The following ZKSCAN5 variants were observed in gnomAD, a reference collection of about 807,000 sequenced individuals.
The protein encoded by ZKSCAN5 is zinc finger with KRAB and SCAN domains 5.
In ZKSCAN5, 28 loss-of-function variants were observed where a neutral mutation model predicts 60.0. The observed-to-expected ratio is 0.47, with a 90% confidence interval of 0.35 to 0.64. The LOEUF (loss-of-function observed/expected upper bound fraction) is 0.64, where lower values mean the gene tolerates loss of function less well. ZKSCAN5 is among the 30% of genes least tolerant of loss of function. The pLI, the probability that ZKSCAN5 is intolerant of heterozygous loss-of-function variation, is 0.01. For missense variants in ZKSCAN5, 881 were observed against 1,034.6 expected (o/e 0.85, Z 2.04); for synonymous variants, 361 against 371.2 (o/e 0.97, Z 0.31).
intron 3 of ZKSCAN5, among the ~76,000 whole-genome samples, chr7:99,515,428 T>A (rs1801220933): frequency 6.7e-6 from 1 of 150,300 alleles, no homozygotes; most frequent in Non-Finnish European, 1.5e-5. Context: ...CAAAAACTGC[T>A]CAGAAAAGAA....
Position 99,519,840 on chromosome 7 carries a change from C to G in ZKSCAN5, c.567C>G (p.Leu189=), listed in dbSNP as rs1801443644. ...RLLEENALPV[L]QVPSLPLKDS... ...CTCCTCCCTTAGCCCTTCCTGTTCT[C>G]CAAGTTCCTTCCCTTCCCCTGAAGG... The change falls in exon 4 of 7, where the codon CTC becomes CTG. Residue 189 remains leucine (L), a synonymous_variant. Transcript: ENST00000326775. 6.2e-7 allele frequency: 1 copy of G among 1,614,070 alleles called. No individual in the cohort carries two copies. Among genetic ancestry groups the G allele is most frequent in the East Asian group, 2.2e-5 (1 of 44,884 alleles).
At chr7:99,528,562 G>A (rs1425746445) in intron 6 of ZKSCAN5, among the ~76,000 whole-genome samples, 6 of 152,062 alleles carry the variant, frequency 3.9e-5, no homozygotes, top group Admixed American at 6.6e-5. Flanking sequence ...GCATAGCTGG[G>A]ACTACAAGTG....
At position 99,530,069 on chromosome 7, in the gene ZKSCAN5, T is replaced by C. The variant is rs1344161363; in HGVS notation, c.1379-1039T>C. Among the ~76,000 whole-genome samples the C allele has an allele frequency of 9.9e-5, 13 of 130,848 alleles. No individual in the cohort carries two copies. The Admixed American group carries it at 1.0e-3, about 10-fold the overall frequency. 85.8% of individuals were successfully genotyped at this position (130,848 alleles called of 152,430 possible). On this transcript the variant is annotated intron_variant, in intron 6 of 6. Coordinates refer to ENST00000326775, the MANE Select transcript of ZKSCAN5 (RefSeq NM_145102.4). ...TTTTTTTTTTGAGATGGAGTCTTGC[T>C]GTTGCCCAGGCTGGAGTGCAATGGC...
At position 99,526,433 on chromosome 7, in the gene ZKSCAN5, T is replaced by C; in HGVS notation, c.1378+15T>C. On this transcript the variant is annotated intron_variant, in intron 6 of 6. Coordinates refer to ENST00000326775, the MANE Select transcript of ZKSCAN5 (RefSeq NM_145102.4). ...ATCCCAGAGATGTACGTGTGAGGAG[T>C]TTATATCCGGGGGATAAATGGAGGC... The C allele has an allele frequency of 6.3e-7, 1 of 1,589,098 alleles. No individual in the cohort carries two copies. The highest frequency in any genetic ancestry group is 8.5e-7 in the Non-Finnish European group (1 of 1,173,838).
In ZKSCAN5 at chr7:99,508,007, A is replaced by C. The variant is rs113795840; in HGVS notation, c.414+1549A>C. 6.1e-3 allele frequency among the ~76,000 whole-genome samples: 934 copies of C among 152,214 alleles called. 12 individuals carry two copies. Among genetic ancestry groups the C allele is most frequent in the African/African-American group, 0.02 (849 of 41,546 alleles). On this transcript the variant is annotated intron_variant, in intron 2 of 6. Coordinates refer to ENST00000326775, the MANE Select transcript of ZKSCAN5 (RefSeq NM_145102.4). ...GAAACTCAAAATTGTTGGCTTAGAAATACATGTGTAGGCCGGGCACGGTAG... is the reference window on the plus strand; with the variant it reads ...GAAACTCAAAATTGTTGGCTTAGAACTACATGTGTAGGCCGGGCACGGTAG...
At chr7:99,514,629 G>A (rs1045461129) in intron 3 of ZKSCAN5, among the ~76,000 whole-genome samples, 21 of 152,216 alleles carry the variant, frequency 1.4e-4, no homozygotes, top group African/African-American at 3.6e-4. Flanking sequence ...AAAATTGGCC[G>A]TGTGCAGTGG....
At chr7:99,506,730 T>C (rs979184705) in intron 2 of ZKSCAN5, among the ~76,000 whole-genome samples, 2 of 152,248 alleles carry the variant, frequency 1.3e-5, no homozygotes, top group Non-Finnish European at 2.9e-5. Flanking sequence ...TCGCCTATGC[T>C]GGAGTGCAGT....
chr7:99,518,670 CTTTTTTTTTTTTT>C (rs993896580), intron 3 of ZKSCAN5, among the ~76,000 whole-genome samples: 1 of 92,214 alleles, frequency 1.1e-5, no homozygotes, highest in African/African-American at 4.9e-5. Context: ...AGAATGCATC[CTTTTTTTTTTTTT>C]TTTTTTTTTT....
chr7:99,513,803 G>C, intron 3 of ZKSCAN5: 1 of 280,062 alleles, frequency 3.6e-6, no homozygotes, highest in South Asian at 2.7e-5. Flanking sequence ...AAAGGTGGGT[G>C]GATCACCTGA....
chr7:99,519,264 A>G (rs1179726152), intron 3 of ZKSCAN5, among the ~76,000 whole-genome samples: 4 of 128,952 alleles, frequency 3.1e-5, no homozygotes, highest in Non-Finnish European at 4.8e-5. Flanking sequence ...GTGAGCCACC[A>G]CGCCCAGTAT....
At chr7:99,529,412 A>T (rs1801946896) in intron 6 of ZKSCAN5, among the ~76,000 whole-genome samples, 1 of 152,126 alleles carries the variant, frequency 6.6e-6, no homozygotes, top group South Asian at 2.1e-4. Context: ...AAGTGCTGGG[A>T]TTATAGGCAC....
At chr7:99,514,781 G>A (rs1339460498) in intron 3 of ZKSCAN5, among the ~76,000 whole-genome samples, 4 of 151,896 alleles carry the variant, frequency 2.6e-5, no homozygotes, top group African/African-American at 9.7e-5. Flanking sequence ...GGTGGCAGAT[G>A]CCTGTAATCC....
chr7:99,530,307 T>G (rs1801987164), intron 6 of ZKSCAN5, among the ~76,000 whole-genome samples: 1 of 152,158 alleles, frequency 6.6e-6, no homozygotes, highest in Admixed American at 6.6e-5. Context: ...AGTGCTGGGA[T>G]TACAGGTGTG....
chr7:99,533,187 G>GTA lies in ZKSCAN5; in HGVS notation c.*939_*940dup, dbSNP rs774182090. The GTA allele has an allele frequency of 2.0e-5, 12 of 610,052 alleles. No homozygotes were observed. Among genetic ancestry groups the GTA allele is most frequent in the Middle Eastern group, 2.6e-4 (1 of 3,910 alleles). 37.8% of individuals were successfully genotyped at this position (610,052 alleles called of 1,614,324 possible). ...GGTGCCCCAGAAATAGACCTCTCCTGTAGAGTGGTGATATACAGAATGAGT... is the reference window on the plus strand; with the variant it reads ...GGTGCCCCAGAAATAGACCTCTCCTGTATAGAGTGGTGATATACAGAATGAGT... On this transcript the variant is annotated 3_prime_UTR_variant, in exon 7 of 7. Coordinates refer to ENST00000326775, the MANE Select transcript of ZKSCAN5 (RefSeq NM_145102.4).
chr7:99,507,497 ATGTGTATATATATG>A (rs1386857350), intron 2 of ZKSCAN5, among the ~76,000 whole-genome samples: 3 of 146,026 alleles, frequency 2.1e-5, no homozygotes, highest in Non-Finnish European at 3.0e-5. Context: ...ATATGTATAT[ATGTGTATATATATG>A]TGTGTATATA....
At chr7:99,516,106 T>C (rs1801255294) in intron 3 of ZKSCAN5, among the ~76,000 whole-genome samples, 1 of 151,974 alleles carries the variant, frequency 6.6e-6, no homozygotes, top group Non-Finnish European at 1.5e-5. Context: ...GCCTCCCGAG[T>C]AGCTGGGTTT....
intron 3 of ZKSCAN5, among the ~76,000 whole-genome samples, chr7:99,514,390 A>G (rs1801174576): frequency 6.6e-6 from 1 of 152,162 alleles, no homozygotes; most frequent in Admixed American, 6.6e-5. Flanking sequence ...ATCCTCTTCA[A>G]ATTTTCCTCT....
rs35854468 is a variant in ZKSCAN5 at position 99,523,163 on chromosome 7, CAAAAAAAAAAAA to C, written c.773-2634_773-2623del. On this transcript the variant is annotated intron_variant, in intron 5 of 6. Coordinates refer to ENST00000326775, the MANE Select transcript of ZKSCAN5 (RefSeq NM_145102.4). ...TAGGTGACAATGTGAGACCCTATCTCAAAAAAAAAAAAAAAAAAAAAAAAAAATGGAGGGGCA... is the reference window on the plus strand; with the variant it reads ...TAGGTGACAATGTGAGACCCTATCTCAAAAAAAAAAAAAAATGGAGGGGCA... Among the ~76,000 whole-genome samples, 5 of 48,954 alleles carry C rather than the reference CAAAAAAAAAAAA, an allele frequency of 1.0e-4. No homozygotes were observed. The East Asian group carries it at 2.3e-3, about 23-fold the overall frequency. 32.1% of individuals were successfully genotyped at this position (48,954 alleles called of 152,430 possible). A position where few individuals can be genotyped will look rare whatever the true frequency, so the allele number is the denominator to read the frequency against.
chr7:99,509,409 C>T (rs1800915211), intron 2 of ZKSCAN5, among the ~76,000 whole-genome samples: 2 of 152,066 alleles, frequency 1.3e-5, no homozygotes, highest in African/African-American at 4.8e-5. Context: ...CAGGTGTGAG[C>T]CACCACGCCT....
Sources: gnomAD v4.1 joint callset for allele counts (sites outside exome capture counted in the v4.1 genomes callset) on GRCh38, gnomAD v4.1.1 for gene constraint, MANE v1.5 for transcripts, NCBI Gene and HGNC (gene_info 2026-07-23, HGNC 2026-07-21) for gene names.